The following FOCAD variants were observed in gnomAD, a reference collection of about 807,000 sequenced individuals.
FOCAD encodes focadhesin.
FOCAD carries 198 observed loss-of-function variants against 225.6 expected under a neutral mutation model. That is an observed-to-expected ratio of 0.88 (90% CI 0.78 to 0.99). The LOEUF (loss-of-function observed/expected upper bound fraction) is 0.99. Among genes scored for constraint, FOCAD ranks in the 50% least tolerant of loss-of-function variants. FOCAD has a pLI of 0.00. For synonymous variants in FOCAD, 897 were observed against 755.0 expected, an observed-to-expected ratio of 1.19 and a Z score of -3.08; for missense variants, 2,713 against 2,123.6, an observed-to-expected ratio of 1.28 and a Z score of -5.46.
At chr9:20,946,260 G>C (rs1002078791) in intron 29 of FOCAD, among the ~76,000 whole-genome samples, 1 of 152,176 alleles carries the variant, frequency 6.6e-6, no homozygotes, top group Admixed American at 6.5e-5. Context: ...TAATGGAGCA[G>C]TGTTTCACTT....
intron 3 of FOCAD, among the ~76,000 whole-genome samples, chr9:20,719,048 A>G (rs1404690828): frequency 6.6e-6 from 1 of 152,156 alleles, no homozygotes; most frequent in Non-Finnish European, 1.5e-5. Flanking sequence ...TTAGCCAGCT[A>G]CAGAGGGAAA....
intron 6 of FOCAD, among the ~76,000 whole-genome samples, chr9:20,760,782 A>G (rs913741227): frequency 3.9e-5 from 6 of 152,172 alleles, no homozygotes; most frequent in African/African-American, 1.2e-4. Context: ...TGTATTAGTG[A>G]TGCTTGGCAC....
chr9:20,957,314 C>G (rs576690026), intron 35 of FOCAD, among the ~76,000 whole-genome samples: 2 of 151,910 alleles, frequency 1.3e-5, no homozygotes, highest in African/African-American at 4.8e-5. Flanking sequence ...CTGACTTAGC[C>G]TCTTTAATTG....
chr9:20,694,883 A>T (rs1411091654), intron 1 of FOCAD, among the ~76,000 whole-genome samples: 2 of 152,208 alleles, frequency 1.3e-5, no homozygotes, highest in Admixed American at 6.5e-5. Context: ...AGAATTTCTC[A>T]GTTGGGCCAA....
At chr9:20,937,545 G>C (rs1371382782) in intron 28 of FOCAD, among the ~76,000 whole-genome samples, 1 of 151,722 alleles carries the variant, frequency 6.6e-6, no homozygotes, top group African/African-American at 2.4e-5. Flanking sequence ...GCTGAAACTG[G>C]ATCCCTTCCT....
At chr9:20,974,354 T>C (rs950781458) in intron 35 of FOCAD, among the ~76,000 whole-genome samples, 1 of 110,436 alleles carries the variant, frequency 9.1e-6, no homozygotes, top group African/African-American at 3.7e-5. Flanking sequence ...CTGTAGCTGT[T>C]TTTTTCCTGC....
chr9:20,828,368 C>G (rs566057092), intron 15 of FOCAD, among the ~76,000 whole-genome samples: 1 of 151,994 alleles, frequency 6.6e-6, no homozygotes, highest in Non-Finnish European at 1.5e-5. Context: ...CTATTTTTGG[C>G]TATTTTGAAT....
intron 19 of FOCAD, among the ~76,000 whole-genome samples, chr9:20,881,192 G>A (rs1564106495): frequency 1.3e-5 from 2 of 152,130 alleles, no homozygotes; most frequent in Non-Finnish European, 2.9e-5. Flanking sequence ...TGAAAATGTG[G>A]GACTGATATG....
Position 20,820,433 on chromosome 9 carries a change from C to A in FOCAD, c.1662+8C>A. 1 of 1,603,798 alleles carries A rather than the reference C, an allele frequency of 6.2e-7. No homozygotes were observed. The highest frequency in any genetic ancestry group is 8.5e-7 in the Non-Finnish European group (1 of 1,171,458). ...TCTTTGTGGGAAAAGCAGGTAATTT[C>A]AGATATACACTTGCATGAGTATTAA... On this transcript the variant is annotated splice_region_variant and intron_variant, in intron 13 of 43. Transcript: ENST00000338382.
chr9:20,741,254 C>T (rs1236673678), intron 5 of FOCAD, among the ~76,000 whole-genome samples: 1 of 152,124 alleles, frequency 6.6e-6, no homozygotes, highest in Non-Finnish European at 1.5e-5. Flanking sequence ...ACACAGGTAT[C>T]AGAAGTGTGA....
At chr9:20,757,536 A>T (rs1829164947) in intron 5 of FOCAD, among the ~76,000 whole-genome samples, 1 of 152,174 alleles carries the variant, frequency 6.6e-6, no homozygotes, top group Non-Finnish European at 1.5e-5. Context: ...TTCAGTTTGG[A>T]TAGTTGTTAA....
At chr9:20,817,836 T>G (rs4977752) in intron 11 of FOCAD, among the ~76,000 whole-genome samples, 127,190 of 152,166 alleles carry the variant, frequency 0.84, 53,276 homozygotes, top group Admixed American at 0.89. Context: ...AAATAATGCT[T>G]TTCTGAAAAT....
At chr9:20,698,706 A>T (rs531608265) in intron 1 of FOCAD, among the ~76,000 whole-genome samples, 1 of 152,318 alleles carries the variant, frequency 6.6e-6, no homozygotes, top group East Asian at 1.9e-4. Context: ...TCATGGTTGT[A>T]TGCAAAAATT....
intron 32 of FOCAD, 134 bp from the exon 33 acceptor site, chr9:20,949,470 A>C (rs1161627802): frequency 3.0e-6 from 2 of 667,312 alleles, no homozygotes; most frequent in Non-Finnish European, 5.3e-6. Flanking sequence ...TTCATAGCTT[A>C]TGTATTTGAA....
intron 11 of FOCAD, among the ~76,000 whole-genome samples, chr9:20,805,187 TTGAA>T (rs1472589680): frequency 6.6e-6 from 1 of 152,206 alleles, no homozygotes; most frequent in African/African-American, 2.4e-5. Flanking sequence ...TTAAGGGTCT[TTGAA>T]TGCATGTACG....
intron 23 of FOCAD, among the ~76,000 whole-genome samples, 187 bp downstream of exon 23, chr9:20,913,141 TACATACACAC>T (rs1384496374): frequency 2.5e-4 from 25 of 100,584 alleles, no homozygotes; most frequent in African/African-American, 8.0e-4. Context: ...TTATAAATTA[TACATACACAC>T]ACACACACAC....
At chr9:20,700,873 A>T (rs545442692) in intron 1 of FOCAD, among the ~76,000 whole-genome samples, 1 of 152,336 alleles carries the variant, frequency 6.6e-6, no homozygotes, top group East Asian at 1.9e-4. Flanking sequence ...TGCTTATTCC[A>T]TGCCAGACCC....
At chr9:20,946,519 T>C (rs1461274453) in intron 29 of FOCAD, among the ~76,000 whole-genome samples, 182 bp from the exon 30 acceptor site, 2 of 152,216 alleles carry the variant, frequency 1.3e-5, no homozygotes, top group Non-Finnish European at 2.9e-5. Flanking sequence ...ATACCCATCA[T>C]GACAGTGTTA....
intron 2 of FOCAD, among the ~76,000 whole-genome samples, chr9:20,672,017 A>G (rs1439920578): frequency 2.0e-5 from 3 of 149,968 alleles, no homozygotes; most frequent in Non-Finnish European, 4.4e-5. Flanking sequence ...GAGCCTGTTT[A>G]CCAGCACACC....
Sources: gnomAD v4.1 joint callset for allele counts (sites outside exome capture counted in the v4.1 genomes callset) on GRCh38, gnomAD v4.1.1 for gene constraint, MANE v1.5 for transcripts, NCBI Gene and HGNC (gene_info 2026-07-23, HGNC 2026-07-21) for gene names.